HOXC4: variants seen among roughly 807,000 people sequenced by gnomAD.
HOXC4 encodes homeobox C4.
HOXC4 carries 15 observed loss-of-function variants against 25.5 expected under a neutral mutation model. The ratio of observed to expected loss-of-function variants is 0.59; its 90% CI spans 0.39 to 0.91. The LOEUF is 0.91. Ranked by LOEUF, HOXC4 falls within the 40% of genes least tolerant of loss-of-function variation. The pLI is 0.00. For missense variants in HOXC4, 342 were observed against 352.4 expected (o/e 0.97, Z 0.24); for synonymous variants, 165 against 148.0 (o/e 1.11, Z -0.83).
intron 1 of HOXC4, among the ~76,000 whole-genome samples, chr12:54,041,531 C>T (rs1224744646): frequency 6.6e-6 from 1 of 152,184 alleles, no homozygotes; most frequent in Non-Finnish European, 1.5e-5. Flanking sequence ...TCAACAATCC[C>T]CTCATTGTTT....
chr12:54,039,989 C>T (rs1176692699), intron 1 of HOXC4, among the ~76,000 whole-genome samples: 2 of 152,108 alleles, frequency 1.3e-5, no homozygotes, highest in African/African-American at 4.8e-5. Context: ...CTCAAAAGTT[C>T]CATTTAAATA....
At chr12:54,031,177 C>T (rs1308556356) in intron 1 of HOXC4, among the ~76,000 whole-genome samples, 1 of 152,252 alleles carries the variant, frequency 6.6e-6, no homozygotes. Flanking sequence ...CCCTGAGGCG[C>T]CCCGAAAGAC....
intron 1 of HOXC4, among the ~76,000 whole-genome samples, chr12:54,047,237 A>T (rs555495002): frequency 6.6e-6 from 1 of 152,372 alleles, no homozygotes; most frequent in South Asian, 2.1e-4. Flanking sequence ...CCCAGCTTTG[A>T]GGCCAGGCCT....
intron 1 of HOXC4, chr12:54,021,380 G>A (rs1432006556): frequency 6.6e-6 from 1 of 152,334 alleles, no homozygotes; most frequent in Non-Finnish European, 1.5e-5. Context: ...CACGGGAGAG[G>A]ACGCTGGACC....
intron 1 of HOXC4, among the ~76,000 whole-genome samples, chr12:54,036,126 G>A (rs1256382934): frequency 6.6e-6 from 1 of 152,104 alleles, no homozygotes; most frequent in South Asian, 2.1e-4. Flanking sequence ...AAAAGTGGGG[G>A]TGGGAGGAGG....
intron 1 of HOXC4, among the ~76,000 whole-genome samples, chr12:54,037,212 A>C (rs2136453446): frequency 6.6e-6 from 1 of 152,296 alleles, no homozygotes; most frequent in African/African-American, 2.4e-5. Context: ...CCCTACGCTG[A>C]GGGTGCATAA....
chr12:54,054,790 GT>G (rs200320344), intron 1 of HOXC4, 59 bp from the exon 2 acceptor site: 43 of 1,112,744 alleles, frequency 3.9e-5, no homozygotes, highest in Non-Finnish European at 5.4e-5. Flanking sequence ...TGGGGTGAGG[GT>G]GGGGGGCGGG....
chr12:54,018,383 C>G (rs1478513296), intron 1 of HOXC4, among the ~76,000 whole-genome samples: 2 of 152,134 alleles, frequency 1.3e-5, no homozygotes, highest in Non-Finnish European at 2.9e-5. Context: ...CTAGGCTGGG[C>G]GGGGACAGGC....
At chr12:54,023,040 C>G (rs1190675036) in intron 1 of HOXC4, among the ~76,000 whole-genome samples, 2 of 152,220 alleles carry the variant, frequency 1.3e-5, no homozygotes, top group Non-Finnish European at 2.9e-5. Flanking sequence ...AGCAGGGCCA[C>G]TTGCTTTGCC....
upstream of HOXC4, among the ~76,000 whole-genome samples, chr12:54,051,781 A>G (rs1390622645): frequency 6.6e-6 from 1 of 152,178 alleles, no homozygotes; most frequent in Non-Finnish European, 1.5e-5. Context: ...GGAGGAGGGA[A>G]GGCAACGAGG....
At chr12:54,032,459 C>T (rs772809659) in intron 1 of HOXC4, among the ~76,000 whole-genome samples, 1 of 152,212 alleles carries the variant, frequency 6.6e-6, no homozygotes, top group Non-Finnish European at 1.5e-5. Flanking sequence ...TAAGTTAAAC[C>T]CCATTGGTTC....
chr12:54,034,170 C>G, intron 1 of HOXC4: 1 of 1,092,994 alleles, frequency 9.1e-7, no homozygotes. Context: ...TTGCGGCTCT[C>G]GCCTCCTCTC....
intron 1 of HOXC4, among the ~76,000 whole-genome samples, chr12:54,035,862 A>AG (rs1941174531): frequency 6.6e-6 from 1 of 152,106 alleles, no homozygotes; most frequent in African/African-American, 2.4e-5. Flanking sequence ...TTGCTTGGTA[A>AG]GGGGGTGTTG....
intron 1 of HOXC4, among the ~76,000 whole-genome samples, chr12:54,031,112 A>C (rs558583368): frequency 6.6e-6 from 1 of 152,112 alleles, no homozygotes; most frequent in Non-Finnish European, 1.5e-5. Context: ...TTGGGCACCA[A>C]CCCCACGCAG....
intron 1 of HOXC4, chr12:54,028,510 A>G (rs1940833212): frequency 1.9e-6 from 3 of 1,611,944 alleles, no homozygotes; most frequent in East Asian, 4.5e-5. Flanking sequence ...CCGACCAGGT[A>G]AAGGCAAAGG....
Position 54,055,191 on chromosome 12 carries a change from A to G in HOXC4, c.781A>G (p.Ile261Val), listed in dbSNP as rs748759843. The G allele has an allele frequency of 2.5e-6, 4 of 1,597,424 alleles. No individual in the cohort carries two copies. In the African/African-American group the frequency reaches 5.4e-5, roughly 22 times the overall value. ...GCCGGAGCAGCAACGGGCAGAGGACATTACCAGGTTATAAAACATAACTCA... is the reference window on the plus strand; with the variant it reads ...GCCGGAGCAGCAACGGGCAGAGGACGTTACCAGGTTATAAAACATAACTCA... Reference protein sequence around the residue: ...TPPEQQRAEDITRL With the variant: ...TPPEQQRAEDVTRL Residue 261 changes from isoleucine to valine, a missense_variant, in exon 2 of 2, where the codon ATT becomes GTT. Coordinates refer to ENST00000430889, the MANE Select transcript of HOXC4 (RefSeq NM_153633.3).
At chr12:54,034,721 G>A (rs878995393) in intron 1 of HOXC4, 1 of 534,906 alleles carries the variant, frequency 1.9e-6, no homozygotes, top group South Asian at 2.1e-5. Flanking sequence ...GGCTCAGCTC[G>A]GTACCCGGGG....
intron 1 of HOXC4, among the ~76,000 whole-genome samples, chr12:54,031,488 CCTTA>C (rs1421110577): frequency 2.0e-5 from 3 of 152,198 alleles, no homozygotes; most frequent in African/African-American, 7.2e-5. Flanking sequence ...CGGGCTGGTT[CCTTA>C]CTTTTCTCTC....
At chr12:54,044,711 G>A (rs1592244936) in intron 1 of HOXC4, among the ~76,000 whole-genome samples, 1 of 138,532 alleles carries the variant, frequency 7.2e-6, no homozygotes, top group Non-Finnish European at 1.5e-5. Context: ...GCAGGGGTGT[G>A]TGAGTGTGTG....
Sources: gnomAD v4.1 joint callset for allele counts (sites outside exome capture counted in the v4.1 genomes callset) on GRCh38, gnomAD v4.1.1 for gene constraint, MANE v1.5 for transcripts, NCBI Gene and HGNC (gene_info 2026-07-23, HGNC 2026-07-21) for gene names.